ST7L: variants seen among roughly 807,000 people sequenced by gnomAD.
ST7L encodes the protein suppression of tumorigenicity 7 like, also known as suppressor of tumorigenicity 7 protein-like.
Under a neutral mutation model 72.5 loss-of-function variants are expected in ST7L, and 57 were observed. The observed-to-expected ratio is 0.79, with a 90% confidence interval of 0.64 to 0.98. The LOEUF (loss-of-function observed/expected upper bound fraction) is 0.98. ST7L is among the 50% of genes least tolerant of loss of function. The pLI, the probability that ST7L is intolerant of heterozygous loss-of-function variation, is 0.00. For missense variants in ST7L, 576 were observed against 672.2 expected (o/e 0.86, Z 1.58); for synonymous variants, 221 against 240.9 (o/e 0.92, Z 0.77).
upstream of ST7L, chr1:112,619,412 C>CG (rs1042514447): frequency 2.0e-5 from 11 of 543,458 alleles, no homozygotes; most frequent in African/African-American, 1.9e-4. Context: ...ACACCGCCCC[C>CG]CCCCCGGGGT....
intron 2 of ST7L, among the ~76,000 whole-genome samples, chr1:112,616,276 CA>C (rs1248616455): frequency 1.3e-5 from 2 of 152,172 alleles, no homozygotes; most frequent in African/African-American, 4.8e-5. Context: ...TCCCTGACTA[CA>C]GTTTACAATA....
At chr1:112,572,711 A>G (rs545152803) in intron 11 of ST7L, among the ~76,000 whole-genome samples, 46 of 151,284 alleles carry the variant, frequency 3.0e-4, no homozygotes, top group African/African-American at 1.1e-3. Flanking sequence ...TCCTGTCTCT[A>G]TTTTTTTTTA....
chr1:112,606,408 T>C (rs564404851), intron 3 of ST7L, among the ~76,000 whole-genome samples: 1 of 152,290 alleles, frequency 6.6e-6, no homozygotes, highest in Non-Finnish European at 1.5e-5. Flanking sequence ...AATGCTAGAA[T>C]ACAGTTCAGC....
chr1:112,587,703 ATTTAACTACTGTAGCTTTGCGGTAAGTT>A (rs1282349091), intron 6 of ST7L, among the ~76,000 whole-genome samples: 1 of 152,224 alleles, frequency 6.6e-6, no homozygotes, highest in African/African-American at 2.4e-5. Context: ...TATCCTTGTA[ATTTAACTACTGTAGCTTTGCGGTAAGTT>A]TTTAAATTGT....
intron 11 of ST7L, among the ~76,000 whole-genome samples, chr1:112,563,412 A>C (rs1201696249): frequency 1.3e-5 from 2 of 152,258 alleles, no homozygotes; most frequent in Non-Finnish European, 2.9e-5. Context: ...CCAGATGGAA[A>C]TGCTAAGTCT....
At chr1:112,582,351 T>G in intron 8 of ST7L, 24 bp downstream of exon 8, 2 of 1,498,024 alleles carry the variant, frequency 1.3e-6, no homozygotes, top group Non-Finnish European at 1.9e-6. Flanking sequence ...ATAAATGTAA[T>G]AGTCCCATCA....
At chr1:112,541,792 TATGTTTG>T in intron 14 of ST7L, 152 bp downstream of exon 14, 2 of 1,335,186 alleles carry the variant, frequency 1.5e-6, no homozygotes, top group Non-Finnish European at 1.9e-6. Context: ...ACCAAAAATT[TATGTTTG>T]ATGTATTTAT....
At chr1:112,571,185 C>T in intron 11 of ST7L, 1 of 396,474 alleles carries the variant, frequency 2.5e-6, no homozygotes, top group Non-Finnish European at 5.0e-6. Flanking sequence ...CCAAATTCTT[C>T]AAAAAAACCT....
At chr1:112,616,721 C>T (rs1224037478) in intron 2 of ST7L, 92 bp downstream of exon 2, 17 of 862,702 alleles carry the variant, frequency 2.0e-5, no homozygotes, top group South Asian at 1.1e-4. Context: ...CCAGCCTGGG[C>T]GACAGAGCAA....
At chr1:112,604,072 C>G (rs577540622) in intron 3 of ST7L, among the ~76,000 whole-genome samples, 5 of 152,216 alleles carry the variant, frequency 3.3e-5, no homozygotes, top group African/African-American at 1.2e-4. Context: ...CTTTGGGAGG[C>G]CAAAGTGGGC....
In ST7L at chr1:112,599,588, T is replaced by C. The variant is rs148715100; in HGVS notation, c.506+1206A>G. On this transcript the variant is annotated intron_variant, in intron 4 of 14. Coordinates refer to ENST00000358039, the MANE Select transcript of ST7L (RefSeq NM_017744.5). Reference sequence around the variant, plus strand: ...AGAGAAATGGACACAGTAGTGAAAATAGGAAGCGGCAATATGAAGTCAATA... The same window carrying C: ...AGAGAAATGGACACAGTAGTGAAAACAGGAAGCGGCAATATGAAGTCAATA... 7.9e-5 allele frequency among the ~76,000 whole-genome samples: 12 copies of C among 152,278 alleles called. No individual in the cohort carries two copies. In the East Asian group the frequency reaches 1.4e-3, roughly 17 times the overall value.
intron 9 of ST7L, among the ~76,000 whole-genome samples, chr1:112,581,643 G>A (rs772713929): frequency 1.1e-4 from 17 of 152,042 alleles, no homozygotes; most frequent in Non-Finnish European, 2.2e-4. Flanking sequence ...GGGCTCAAGT[G>A]ATCCTCCCAC....
chr1:112,573,296 C>T (rs1012860988), intron 11 of ST7L, among the ~76,000 whole-genome samples: 5 of 144,008 alleles, frequency 3.5e-5, no homozygotes, highest in South Asian at 2.2e-4. Flanking sequence ...TGCAGTGAGC[C>T]GAGATCGCGC....
At chr1:112,607,661 G>A (rs2101004737) in intron 3 of ST7L, 1 of 151,748 alleles carries the variant, frequency 6.6e-6, no homozygotes, top group East Asian at 1.9e-4. Context: ...AATACAATTT[G>A]GGGTTGATTG....
rs754362959 is a variant in ST7L at position 112,577,093 on chromosome 1, A to G, written c.1143-5T>C. 1.0e-5 allele frequency: 16 copies of G among 1,555,372 alleles called. 3 individuals carry two copies. The highest frequency in any genetic ancestry group is 1.7e-4 in the Middle Eastern group (1 of 5,828). ...GAGGCTGTTTCTGGAGAGAATCTACAAGAAAACCACAAAATGAAAAAATAA... is the reference window on the plus strand; with the variant it reads ...GAGGCTGTTTCTGGAGAGAATCTACGAGAAAACCACAAAATGAAAAAATAA... On this transcript the variant is annotated splice_polypyrimidine_tract_variant and splice_region_variant and intron_variant, in intron 10 of 14. Coordinates refer to ENST00000358039, the MANE Select transcript of ST7L (RefSeq NM_017744.5).
intron 5 of ST7L, among the ~76,000 whole-genome samples, chr1:112,596,601 T>C (rs1264125367): frequency 1.3e-5 from 2 of 152,150 alleles, no homozygotes; most frequent in Non-Finnish European, 2.9e-5. Flanking sequence ...TTAGTGAAAT[T>C]GCTTAGACAT....
In ST7L at chr1:112,584,241, GA is replaced by G. The variant is rs908913732; in HGVS notation, c.702-116del. ...CTTACCTACACTTTTTCCATCTTTA[GA>G]AAAAAAAAAACCTTCGTTCAATATT... On this transcript the variant is annotated intron_variant, in intron 6 of 14. Transcript: ENST00000358039. The G allele has an allele frequency of 2.7e-3, 2,241 of 830,780 alleles. 1 individual carries two copies. The highest frequency in any genetic ancestry group is 4.6e-3 in the South Asian group (157 of 34,164). The allele number at this position is 830,780 out of a possible 1,614,324, so 51.5% of individuals were successfully genotyped here.
intron 5 of ST7L, among the ~76,000 whole-genome samples, chr1:112,597,253 A>G (rs939971048): frequency 1.3e-5 from 2 of 152,352 alleles, no homozygotes; most frequent in African/African-American, 4.8e-5. Flanking sequence ...TGGATAATGA[A>G]GGATAAAAAG....
At chr1:112,582,922 C>G (rs564536385) in intron 7 of ST7L, among the ~76,000 whole-genome samples, 1 of 152,116 alleles carries the variant, frequency 6.6e-6, no homozygotes, top group South Asian at 2.1e-4. Context: ...ACAAAATTTC[C>G]ATGGCTAATG....
Sources: gnomAD v4.1 joint callset for allele counts (sites outside exome capture counted in the v4.1 genomes callset) on GRCh38, gnomAD v4.1.1 for gene constraint, MANE v1.5 for transcripts, NCBI Gene and HGNC (gene_info 2026-07-23, HGNC 2026-07-21) for gene names.